Variants in CYP2R1 observed in about 807,000 individuals in gnomAD.
CYP2R1 encodes the protein vitamin D 25-hydroxylase.
In CYP2R1, 40 loss-of-function variants were observed where a neutral mutation model predicts 45.7. That is an observed-to-expected ratio of 0.87 (90% CI 0.68 to 1.14). CYP2R1 has a LOEUF of 1.14. Ranked by LOEUF, CYP2R1 falls within the 50% of genes most tolerant of loss-of-function variation. The pLI is 0.00. For missense variants in CYP2R1, 605 were observed against 602.6 expected, an observed-to-expected ratio of 1.00 and a Z score of -0.04; for synonymous variants, 234 against 219.3, an observed-to-expected ratio of 1.07 and a Z score of -0.59.
intron 1 of CYP2R1, chr11:14,886,138 C>A (rs1848612641): frequency 1.8e-6 from 1 of 554,332 alleles, no homozygotes. Context: ...AAGTCACAGT[C>A]TTACCAACAG....
In CYP2R1 at chr11:14,892,021, G is replaced by T. The variant is rs1280906151; in HGVS notation, c.185C>A (p.Pro62His). The change falls in exon 1 of 5, where the codon CCC becomes CAC. Residue 62 changes from proline to histidine, a missense_variant. Transcript: ENST00000334636. ...GCTCTGCTTTCTCATGTAGACATGGGGAAGCTCGGATGAGGCTGCCAGGGA... is the reference window on the plus strand; with the variant it reads ...GCTCTGCTTTCTCATGTAGACATGGTGAAGCTCGGATGAGGCTGCCAGGGA... ...IYSLAASSEL[P>H]HVYMRKQSQV... The T allele has an allele frequency of 9.9e-6, 16 of 1,613,360 alleles. No individual in the cohort carries two copies. The highest frequency in any genetic ancestry group is 1.4e-5 in the Non-Finnish European group (16 of 1,179,708).
rs1848340923 is a variant in CYP2R1, at chr11:14,880,580, C to T, written c.556G>A (p.Ala186Thr). 2 of 1,613,148 alleles carry T rather than the reference C, an allele frequency of 1.2e-6. No homozygotes were observed. The highest frequency in any genetic ancestry group is 1.7e-6 in the Non-Finnish European group (2 of 1,179,550). Residue 186 changes from alanine (A) to threonine (T), a missense_variant, in exon 3 of 5, where the codon GCT (alanine) becomes ACT (threonine). Ala to Thr is a moderately conservative substitution (Grantham distance 58). Coordinates refer to ENST00000334636, the MANE Select transcript of CYP2R1 (RefSeq NM_024514.5). ...PFDFKQLITN[A>T]VSNITNLIIF... ...ATCAGATTGGTTATGTTTGAAACAGCATTCGTTATTAACTGTTTAAAGTCA... is the reference window on the plus strand; with the variant it reads ...ATCAGATTGGTTATGTTTGAAACAGTATTCGTTATTAACTGTTTAAAGTCA...
chr11:14,886,953 G>T (rs1173243042), intron 1 of CYP2R1: 2 of 152,244 alleles, frequency 1.3e-5, no homozygotes, highest in African/African-American at 4.8e-5. Flanking sequence ...TGGCACACGG[G>T]TGGGCTCTGC....
At chr11:14,891,564 A>C (rs766658543) in intron 1 of CYP2R1, 91 of 1,029,510 alleles carry the variant, frequency 8.8e-5, no homozygotes, top group Admixed American at 1.1e-4. Context: ...GAACGCCTTG[A>C]TTTTCCGACA....
chr11:14,891,529 C>T, intron 1 of CYP2R1: 1 of 997,042 alleles, frequency 1.0e-6, no homozygotes, highest in South Asian at 4.4e-5. Flanking sequence ...CACCGAAGAA[C>T]CTGCTATTAA....
At chr11:14,892,368 C>G (rs1023337181), upstream of CYP2R1, 1 of 674,592 alleles carries the variant, frequency 1.5e-6, no homozygotes, top group African/African-American at 1.8e-5. Flanking sequence ...CAACTACCTT[C>G]TAGTTTTGCG....
chr11:14,881,860 C>T (rs1848400083), intron 2 of CYP2R1, among the ~76,000 whole-genome samples: 1 of 152,072 alleles, frequency 6.6e-6, no homozygotes, highest in African/African-American at 2.4e-5. Context: ...AATTAAACCT[C>T]TTTTCTTTAT....
At chr11:14,891,660 G>A (rs1848863208) in intron 1 of CYP2R1, 1 of 1,163,366 alleles carries the variant, frequency 8.6e-7, no homozygotes. Flanking sequence ...GACCTGAAGT[G>A]GCGGCGCGGC....
chr11:14,883,784 A>G (rs1229934360), intron 2 of CYP2R1, among the ~76,000 whole-genome samples: 4 of 152,198 alleles, frequency 2.6e-5, no homozygotes, highest in African/African-American at 7.2e-5. Flanking sequence ...CAACCTACTC[A>G]TCTGACAAAG....
rs1848285497 is a variant in CYP2R1, at chr11:14,879,390, A to T, written c.1054T>A (p.Trp352Arg). ...TAAGGCATTTTGCATTTGTCGTCCCAAGAAGGCTTCCCATTAGGGCCCATA... is the reference window on the plus strand; with the variant it reads ...TAAGGCATTTTGCATTTGTCGTCCCTAGAAGGCTTCCCATTAGGGCCCATA... ...LIMGPNGKPS[W>R]DDKCKMPYTE... Residue 352 changes from tryptophan (W) to arginine (R), a missense_variant, in exon 4 of 5, where the codon TGG (tryptophan) becomes AGG (arginine). Trp to Arg is a moderately radical substitution (Grantham distance 101). Coordinates refer to ENST00000334636, the MANE Select transcript of CYP2R1 (RefSeq NM_024514.5). 1.2e-6 allele frequency: 2 copies of T among 1,608,896 alleles called. No individual in the cohort carries two copies. The highest frequency in any genetic ancestry group is 2.2e-5 in the East Asian group (1 of 44,872).
At chr11:14,890,756 G>C (rs1306480342) in intron 1 of CYP2R1, 10 of 580,444 alleles carry the variant, frequency 1.7e-5, no homozygotes, top group Non-Finnish European at 2.2e-5. Context: ...CACCGTGTTA[G>C]CCACGACGGT....
At chr11:14,881,877 C>T (rs1432684458) in intron 2 of CYP2R1, among the ~76,000 whole-genome samples, 1 of 152,064 alleles carries the variant, frequency 6.6e-6, no homozygotes, top group Non-Finnish European at 1.5e-5. Context: ...TTATAGGTTA[C>T]CCAGCCTCGG....
chr11:14,881,647 C>A (rs1848391481), intron 2 of CYP2R1, among the ~76,000 whole-genome samples: 1 of 152,034 alleles, frequency 6.6e-6, no homozygotes, highest in Non-Finnish European at 1.5e-5. Flanking sequence ...TAAGTGAGTT[C>A]TCGCTCAGTT....
chr11:14,879,756 T>C (rs1565177961), intron 3 of CYP2R1, among the ~76,000 whole-genome samples: 1 of 152,172 alleles, frequency 6.6e-6, no homozygotes, highest in Admixed American at 6.6e-5. Flanking sequence ...GCCAGTGCTC[T>C]GGGTAGCTCT....
chr11:14,891,964 G>A lies in CYP2R1; in HGVS notation c.225+17C>T. ...AGCCTGGCGGCCCTCCCTGCCCGGG[G>A]CCCGTCGGGGCTGTACCTCTCCGTA... On this transcript the variant is annotated intron_variant, in intron 1 of 4. Coordinates refer to ENST00000334636, the MANE Select transcript of CYP2R1 (RefSeq NM_024514.5). The A allele has an allele frequency of 2.5e-6, 4 of 1,610,726 alleles. No homozygotes were observed. The highest frequency in any genetic ancestry group is 3.4e-6 in the Non-Finnish European group (4 of 1,178,800).
chr11:14,885,754 A>G (rs782746132), intron 2 of CYP2R1, 22 bp downstream of exon 2: 3 of 1,609,486 alleles, frequency 1.9e-6, no homozygotes, highest in Non-Finnish European at 2.5e-6. Flanking sequence ...GTAAATCACT[A>G]AATAGGTGCA....
At chr11:14,887,552 A>G in intron 1 of CYP2R1, 1 of 962,918 alleles carries the variant, frequency 1.0e-6, no homozygotes, top group Non-Finnish European at 1.2e-6. Context: ...GATTTATTCA[A>G]TAATTTTAGT....
upstream of CYP2R1, chr11:14,892,246 A>G (rs1555017524): frequency 6.4e-7 from 1 of 1,570,452 alleles, no homozygotes; most frequent in Admixed American, 1.8e-5. Context: ...CAGCCCTGAG[A>G]CCCAGGCACT....
chr11:14,892,184 C>T lies in CYP2R1; in HGVS notation c.22G>A (p.Glu8Lys), dbSNP rs781804845. 19 of 1,610,464 alleles carry T rather than the reference C, an allele frequency of 1.2e-5. No homozygotes were observed. Among genetic ancestry groups the T allele is most frequent in the Non-Finnish European group, 5.1e-6 (6 of 1,179,812 alleles). Reference protein sequence around the residue: MWKLWRAEEGAAALGGAL... With the variant: MWKLWRAKEGAAALGGAL... ...CCGCCGAGCGCCGCCGCGCCCTCTTCAGCTCTCCAAAGCTTCCACATCGGC... is the reference window on the plus strand; with the variant it reads ...CCGCCGAGCGCCGCCGCGCCCTCTTTAGCTCTCCAAAGCTTCCACATCGGC... The change falls in exon 1 of 5, where the codon GAA becomes AAA. Residue 8 changes from glutamate to lysine, a missense_variant. Glu to Lys is a moderately conservative substitution (Grantham distance 56). Coordinates refer to ENST00000334636, the MANE Select transcript of CYP2R1 (RefSeq NM_024514.5).
Sources: gnomAD v4.1 joint callset for allele counts (sites outside exome capture counted in the v4.1 genomes callset) on GRCh38, gnomAD v4.1.1 for gene constraint, MANE v1.5 for transcripts, NCBI Gene and HGNC (gene_info 2026-07-23, HGNC 2026-07-21) for gene names.